The following PHF24 variants were observed in gnomAD, a reference collection of about 807,000 sequenced individuals.
PHF24 encodes PHD finger protein 24.
Under a neutral mutation model 42.6 loss-of-function variants are expected in PHF24, and 25 were observed. The ratio of observed to expected loss-of-function variants is 0.59; its 90% confidence interval spans 0.43 to 0.82. PHF24 has a LOEUF of 0.82. Among genes scored for constraint, PHF24 ranks in the 40% least tolerant of loss-of-function variants. The probability of loss-of-function intolerance (pLI) is 0.00; values close to 1 mark genes in which losing one functional copy is unlikely to be tolerated. For synonymous variants in PHF24, 185 were observed against 204.8 expected (o/e 0.90, Z 0.83); for missense variants, 470 against 538.1 (o/e 0.87, Z 1.25).
the PHF24 span, chr9:34,923,002 G>A: frequency 7.6e-5 from 60 of 790,886 alleles, no homozygotes; most frequent in Middle Eastern, 2.8e-3. Flanking sequence ...GCTGGGCCGG[G>A]CCTGGGCTCC....
chr9:34,979,020 T>C (rs1713508626), exon 8 of PHF24: 1 of 152,210 alleles, frequency 6.6e-6, no homozygotes, highest in African/African-American at 2.4e-5. Flanking sequence ...CTGTGTTAGA[T>C]GCTTCACCCA....
the PHF24 span, chr9:34,834,502 C>T: frequency 9.7e-5 from 151 of 1,551,616 alleles, 1 homozygote; most frequent in Middle Eastern, 1.2e-3. Context: ...GATGGCGAAT[C>T]GACTGTTTCT....
At chr9:34,856,918 A>G in the PHF24 span, among the ~76,000 whole-genome samples, 1 of 152,214 alleles carries the variant, frequency 6.6e-6, no homozygotes, top group Non-Finnish European at 1.5e-5. Context: ...ACTCTATCCC[A>G]GGGAGAGATC....
chr9:34,961,015 ATCTTCTAACATTGTCT>A (rs1415243083), intron 1 of PHF24, among the ~76,000 whole-genome samples: 8 of 152,098 alleles, frequency 5.3e-5, no homozygotes, highest in Admixed American at 2.6e-4. Context: ...ATATTCTCCA[ATCTTCTAACATTGTCT>A]TCTTCTAACA....
exon 8 of PHF24, chr9:34,980,309 A>G (rs1336253958): frequency 6.6e-6 from 1 of 152,192 alleles, no homozygotes; most frequent in East Asian, 1.9e-4. Flanking sequence ...GGGCCTGGCA[A>G]AGCAGCCCCA....
At chr9:34,686,420 G>C in the PHF24 span, among the ~76,000 whole-genome samples, 1 of 152,308 alleles carries the variant, frequency 6.6e-6, no homozygotes, top group South Asian at 2.1e-4. Context: ...TGCTCCTGGT[G>C]GGGGGCGGGG....
the PHF24 span, among the ~76,000 whole-genome samples, chr9:34,870,766 C>T: frequency 1.2e-4 from 18 of 152,256 alleles, no homozygotes; most frequent in South Asian, 4.1e-4. Flanking sequence ...AGACCACCTT[C>T]CGTGTCTTTT....
chr9:34,893,392 G>A, the PHF24 span, among the ~76,000 whole-genome samples: 1 of 152,112 alleles, frequency 6.6e-6, no homozygotes. Flanking sequence ...CCTGAGGTCA[G>A]GAGTTCGAGA....
At chr9:34,966,776 A>G (rs1826787017) in intron 1 of PHF24, among the ~76,000 whole-genome samples, 1 of 152,146 alleles carries the variant, frequency 6.6e-6, no homozygotes, top group African/African-American at 2.4e-5. Context: ...GTCATGGCAC[A>G]CTACAGACCC....
chr9:34,956,849 T>A (rs1401191211), upstream of PHF24, among the ~76,000 whole-genome samples: 1 of 152,232 alleles, frequency 6.6e-6, no homozygotes, highest in African/African-American at 2.4e-5. Context: ...AACTAATAAG[T>A]ACTAATTTTA....
At chr9:34,718,268 G>A in the PHF24 span, among the ~76,000 whole-genome samples, 1 of 152,164 alleles carries the variant, frequency 6.6e-6, no homozygotes, top group South Asian at 2.1e-4. Flanking sequence ...GAAAAGGGGG[G>A]CAGTTGGCAG....
chr9:34,964,795 A>G (rs1340172693), intron 1 of PHF24, among the ~76,000 whole-genome samples: 1 of 152,188 alleles, frequency 6.6e-6, no homozygotes, highest in African/African-American at 2.4e-5. Context: ...CAGTTCATGA[A>G]GTCAGACGGC....
At chr9:34,952,013 A>G in the PHF24 span, among the ~76,000 whole-genome samples, 1,376 of 152,332 alleles carry the variant, frequency 9.0e-3, 11 homozygotes, top group African/African-American at 0.031. Context: ...CTCCTATTCA[A>G]CATCATGCTA....
chr9:34,971,430 C>T (rs759632767), exon 2 of PHF24: 1 of 1,614,154 alleles, frequency 6.2e-7, no homozygotes, highest in South Asian at 1.1e-5. Context: ...CAGGGTCCCG[C>T]CGTGGCACTG....
the PHF24 span, among the ~76,000 whole-genome samples, chr9:34,718,993 T>C: frequency 2.3e-3 from 346 of 152,314 alleles, 3 homozygotes; most frequent in East Asian, 0.023. Context: ...CAAGCACTGA[T>C]GTATTCCTAG....
At chr9:34,807,187 G>A in the PHF24 span, among the ~76,000 whole-genome samples, 3 of 152,130 alleles carry the variant, frequency 2.0e-5, no homozygotes, top group African/African-American at 4.8e-5. Flanking sequence ...TTTTTAATAG[G>A]TGCCCTTTAT....
chr9:34,843,340 T>G, the PHF24 span, among the ~76,000 whole-genome samples: 1 of 152,320 alleles, frequency 6.6e-6, no homozygotes, highest in East Asian at 1.9e-4. Flanking sequence ...AATGCAAATC[T>G]TTTGGAAAGT....
the PHF24 span, among the ~76,000 whole-genome samples, chr9:34,695,342 G>T: frequency 6.6e-6 from 1 of 152,194 alleles, no homozygotes; most frequent in Non-Finnish European, 1.5e-5. Flanking sequence ...GGGCATGAAA[G>T]CTCCACACCT....
At chr9:34,913,921 G>T in the PHF24 span, among the ~76,000 whole-genome samples, 2 of 152,178 alleles carry the variant, frequency 1.3e-5, no homozygotes, top group Admixed American at 1.3e-4. Context: ...TTAAAAGTTT[G>T]TGAGGAGCAG....
Sources: allele counts gnomAD v4.1 joint callset (sites outside exome capture counted in the v4.1 genomes callset), GRCh38; gene constraint gnomAD v4.1.1; transcripts MANE v1.5; gene names NCBI Gene and HGNC (gene_info 2026-07-23, HGNC 2026-07-21).